CTTNBP2NL: variants seen among roughly 807,000 people sequenced by gnomAD.
The protein encoded by CTTNBP2NL is CTTNBP2 N-terminal like, also known as CTTNBP2 N-terminal-like protein.
In CTTNBP2NL, 16 loss-of-function variants were observed where a neutral mutation model predicts 32.5. The observed-to-expected ratio is 0.49, with a 90% confidence interval of 0.33 to 0.75. CTTNBP2NL has a LOEUF of 0.75. Ranked by LOEUF, CTTNBP2NL falls within the 30% of genes least tolerant of loss-of-function variation. The pLI, the probability that CTTNBP2NL is intolerant of heterozygous loss-of-function variation, is 0.02. For synonymous variants in CTTNBP2NL, 298 were observed against 289.4 expected (o/e 1.03, Z -0.30); for missense variants, 645 against 756.0 (o/e 0.85, Z 1.72).
intron 4 of CTTNBP2NL, among the ~76,000 whole-genome samples, chr1:112,454,082 T>C (rs1163525064): frequency 6.6e-6 from 1 of 152,240 alleles, no homozygotes; most frequent in African/African-American, 2.4e-5. Flanking sequence ...TCTGTGGTCC[T>C]GTCTTGCTCC....
At position 112,456,761 on chromosome 1, in the gene CTTNBP2NL, A is replaced by C. The variant is rs1298185855; in HGVS notation, c.1269A>C (p.Leu423=). The C allele has an allele frequency of 3.1e-6, 5 of 1,613,968 alleles. No homozygotes were observed. The East Asian group carries it at 1.1e-4, about 36-fold the overall frequency. ...CCAGCAGCACTGCCTCCTCCTCTCTAACATCCTCTCCTTGCTCTTCGCCGG... is the reference window on the plus strand; with the variant it reads ...CCAGCAGCACTGCCTCCTCCTCTCTCACATCCTCTCCTTGCTCTTCGCCGG... The part of the protein sequence containing the change: ...LSPSSTASSS[L]TSSPCSSPVL... Residue 423 remains leucine, a synonymous_variant, in exon 6 of 6, where the codon CTA becomes CTC. Transcript: ENST00000271277.
intron 1 of CTTNBP2NL, among the ~76,000 whole-genome samples, chr1:112,396,904 G>T (rs1648347551): frequency 6.6e-6 from 1 of 152,112 alleles, no homozygotes; most frequent in African/African-American, 2.4e-5. Flanking sequence ...CCTGTTTTGG[G>T]ACTGTTTTGG....
At position 112,454,571 on chromosome 1, in the gene CTTNBP2NL, G is replaced by A; in HGVS notation, c.438+15G>A. 2 of 1,532,966 alleles carry A rather than the reference G, an allele frequency of 1.3e-6. No individual in the cohort carries two copies. Among genetic ancestry groups the A allele is most frequent in the Non-Finnish European group, 1.8e-6 (2 of 1,106,148 alleles). The allele number at this position is 1,532,966 out of a possible 1,614,324, so 95.0% of individuals were successfully genotyped here. A position where few individuals can be genotyped will look rare whatever the true frequency, so the allele number is the denominator to read the frequency against. On this transcript the variant is annotated intron_variant, in intron 5 of 5. Transcript: ENST00000271277. ...TGACTCAACAGGTAATTAAGGTAGA[G>A]GGATTCACAGTAGCATTTGCCTGGA...
In CTTNBP2NL at chr1:112,457,017, C is replaced by T. The variant is rs756921264; in HGVS notation, c.1525C>T (p.Leu509Phe). Reference protein sequence around the residue: ...QLARNTVTQVLSRFTSQQGPI... With the variant: ...QLARNTVTQVFSRFTSQQGPI... Reference sequence around the variant, plus strand: ...GGCCCGAAACACAGTCACTCAGGTGCTCTCCAGATTCACTAGCCAACAAGG... The same window carrying T: ...GGCCCGAAACACAGTCACTCAGGTGTTCTCCAGATTCACTAGCCAACAAGG... The change falls in exon 6 of 6, where the codon CTC becomes TTC. Residue 509 changes from leucine to phenylalanine, a missense_variant. Coordinates refer to ENST00000271277, the MANE Select transcript of CTTNBP2NL (RefSeq NM_018704.3). 14 of 1,614,034 alleles carry T rather than the reference C, an allele frequency of 8.7e-6. No homozygotes were observed. The highest frequency in any genetic ancestry group is 1.3e-5 in the African/African-American group (1 of 74,914).
Position 112,456,275 on chromosome 1 carries a change from A to G in CTTNBP2NL, c.783A>G (p.Lys261=). The G allele has an allele frequency of 6.2e-7, 1 of 1,614,180 alleles. No individual in the cohort carries two copies. Among genetic ancestry groups the G allele is most frequent in the Non-Finnish European group, 8.5e-7 (1 of 1,180,038 alleles). ...TGAACCGAGAAGAGAACCGGACCAA[A>G]ACCCTGAAAGAAGAAATGGAAAGTT... The part of the protein sequence containing the change: ...AKLNREENRT[K]TLKEEMESLK... Residue 261 remains lysine, a synonymous_variant, in exon 6 of 6, where the codon AAA becomes AAG. Coordinates refer to ENST00000271277, the MANE Select transcript of CTTNBP2NL (RefSeq NM_018704.3).
intron 1 of CTTNBP2NL, among the ~76,000 whole-genome samples, chr1:112,404,613 T>C (rs1648605147): frequency 6.6e-6 from 1 of 152,224 alleles, no homozygotes; most frequent in Admixed American, 6.5e-5. Context: ...TGTGGTATTT[T>C]ACAAGTTATG....
intron 3 of CTTNBP2NL, among the ~76,000 whole-genome samples, chr1:112,426,596 A>G (rs1299911726): frequency 6.7e-6 from 1 of 150,196 alleles, no homozygotes; most frequent in Non-Finnish European, 1.5e-5. Flanking sequence ...CATTTTCCCT[A>G]CGGCAAAACT....
chr1:112,445,254 A>C (rs931942306), intron 3 of CTTNBP2NL, among the ~76,000 whole-genome samples: 1 of 152,042 alleles, frequency 6.6e-6, no homozygotes, highest in Admixed American at 6.6e-5. Context: ...TGACCCTCCA[A>C]AACTGTGAGA....
chr1:112,423,397 T>C (rs1649290104), intron 3 of CTTNBP2NL, among the ~76,000 whole-genome samples: 1 of 152,290 alleles, frequency 6.6e-6, no homozygotes, highest in South Asian at 2.1e-4. Context: ...GTATGTAAGA[T>C]CATACATATG....
At chr1:112,418,987 A>G (rs1253965956) in intron 3 of CTTNBP2NL, among the ~76,000 whole-genome samples, 1 of 152,188 alleles carries the variant, frequency 6.6e-6, no homozygotes. Flanking sequence ...CCTTGCATTT[A>G]TTGGTATTGC....
chr1:112,429,992 A>C (rs773375672), intron 3 of CTTNBP2NL, among the ~76,000 whole-genome samples: 1 of 152,138 alleles, frequency 6.6e-6, no homozygotes, highest in Non-Finnish European at 1.5e-5. Flanking sequence ...TGCCAGATTC[A>C]GTGGTAGAGT....
At chr1:112,431,847 A>G (rs1287095576) in intron 3 of CTTNBP2NL, among the ~76,000 whole-genome samples, 1 of 152,016 alleles carries the variant, frequency 6.6e-6, no homozygotes, top group African/African-American at 2.4e-5. Context: ...ATGTATATAT[A>G]TTCTTGGAAA....
intron 3 of CTTNBP2NL, among the ~76,000 whole-genome samples, chr1:112,429,666 A>T (rs1038760116): frequency 6.6e-6 from 1 of 152,236 alleles, no homozygotes; most frequent in Non-Finnish European, 1.5e-5. Context: ...CCATTGCAGC[A>T]TAATTCATAG....
intron 3 of CTTNBP2NL, among the ~76,000 whole-genome samples, chr1:112,417,810 G>A (rs963137785): frequency 3.9e-5 from 6 of 152,164 alleles, no homozygotes; most frequent in Non-Finnish European, 5.9e-5. Context: ...TTAAACTGAA[G>A]TATCATTTTA....
intron 3 of CTTNBP2NL, among the ~76,000 whole-genome samples, chr1:112,418,002 G>A (rs1649115359): frequency 6.6e-6 from 1 of 152,004 alleles, no homozygotes; most frequent in African/African-American, 2.4e-5. Context: ...ATGCTTAGTC[G>A]GTTGAAAAGG....
intron 3 of CTTNBP2NL, among the ~76,000 whole-genome samples, chr1:112,448,500 G>C (rs988961680): frequency 1.3e-5 from 2 of 152,172 alleles, no homozygotes; most frequent in African/African-American, 2.4e-5. Context: ...AGATGTACCT[G>C]CTGGTAATAT....
At chr1:112,434,223 T>G (rs1019488824) in intron 3 of CTTNBP2NL, among the ~76,000 whole-genome samples, 4 of 152,220 alleles carry the variant, frequency 2.6e-5, no homozygotes, top group African/African-American at 9.6e-5. Context: ...TGTTATTCTC[T>G]TATACCTAGA....
At chr1:112,398,217 A>G (rs1299508929) in intron 1 of CTTNBP2NL, among the ~76,000 whole-genome samples, 2 of 152,210 alleles carry the variant, frequency 1.3e-5, no homozygotes, top group African/African-American at 4.8e-5. Context: ...AAAAGCAAAT[A>G]ATATTCTTTT....
intron 3 of CTTNBP2NL, among the ~76,000 whole-genome samples, chr1:112,420,915 C>T (rs1451049652): frequency 6.6e-6 from 1 of 152,194 alleles, no homozygotes; most frequent in African/African-American, 2.4e-5. Context: ...TCAAGTGAGA[C>T]AGACTTTAGG....
Sources: allele counts gnomAD v4.1 joint callset (sites outside exome capture counted in the v4.1 genomes callset), GRCh38; gene constraint gnomAD v4.1.1; transcripts MANE v1.5; gene names NCBI Gene and HGNC (gene_info 2026-07-23, HGNC 2026-07-21).